CEP104: variants seen among roughly 807,000 people sequenced by gnomAD.
CEP104 encodes centrosomal protein of 104 kDa.
Under a neutral mutation model 113.3 loss-of-function variants are expected in CEP104, and 84 were observed. That is an observed-to-expected ratio of 0.74 (90% CI 0.62 to 0.89). CEP104 has a LOEUF of 0.89. Among genes scored for constraint, CEP104 ranks in the 40% least tolerant of loss-of-function variants. The pLI, the probability that CEP104 is intolerant of heterozygous loss-of-function variation, is 0.00. For synonymous variants in CEP104, 378 were observed against 421.7 expected, an observed-to-expected ratio of 0.90 and a Z score of 1.27; for missense variants, 1,053 against 1,156.6, an observed-to-expected ratio of 0.91 and a Z score of 1.30.
Position 3,823,628 on chromosome 1 carries a change from C to G in CEP104, c.2365-66G>C. The G allele has an allele frequency of 6.2e-7, 1 of 1,605,420 alleles. No individual in the cohort carries two copies. Among genetic ancestry groups the G allele is most frequent in the African/African-American group, 1.3e-5 (1 of 74,954 alleles). ...GCGGCAGCGCCCTCCAGCCAGCCTG[C>G]AGAGCCTGTGAGCGCCTCCCCTGCC... On this transcript the variant is annotated intron_variant, in intron 18 of 21. Coordinates refer to ENST00000378230, the MANE Select transcript of CEP104 (RefSeq NM_014704.4). The surrounding 1 kb of genome is among the most constrained non-coding windows in gnomAD (Gnocchi z 4.1).
At position 3,847,559 on chromosome 1, in the gene CEP104, T is replaced by G. The variant is rs779086283; in HGVS notation, c.342A>C (p.Lys114Asn). The change falls in exon 4 of 22, where the codon AAA becomes AAC. Residue 114 changes from lysine (K) to asparagine (N), a missense_variant. Coordinates refer to ENST00000378230, the MANE Select transcript of CEP104 (RefSeq NM_014704.4). ...GTCCTACTGCATCCACATAAACTGA[T>G]TTTAGTTCCCGGGCTTTGCAACCTG... ...EKTGCKAREL[K>N]SVYVDAVGQF... 3.3e-5 allele frequency: 54 copies of G among 1,613,708 alleles called. No individual in the cohort carries two copies. Among genetic ancestry groups the G allele is most frequent in the Non-Finnish European group, 4.2e-5 (50 of 1,179,882 alleles).
At chr1:3,841,802 G>A (rs1644417644) in intron 6 of CEP104, among the ~76,000 whole-genome samples, 1 of 152,238 alleles carries the variant, frequency 6.6e-6, no homozygotes, top group East Asian at 1.9e-4. Context: ...CAGATTTAAA[G>A]TCTAAATCAA....
rs201989711 is a variant in CEP104, at chr1:3,835,131, C to A, written c.1318-39G>T. 4.4e-6 allele frequency: 7 copies of A among 1,586,996 alleles called. No homozygotes were observed. The East Asian group carries it at 1.1e-4, about 26-fold the overall frequency. On this transcript the variant is annotated intron_variant, in intron 10 of 21. Coordinates refer to ENST00000378230, the MANE Select transcript of CEP104 (RefSeq NM_014704.4). ...GGCAGCATTTCATGGCATCACACAA[C>A]CATCCTCCAACACTACACAACTTGA...
chr1:3,829,404 A>C (rs755857555), intron 14 of CEP104, 31 bp from the exon 15 acceptor site: 2 of 1,539,486 alleles, frequency 1.3e-6, no homozygotes, highest in Non-Finnish European at 1.8e-6. Context: ...CCATTAGAAC[A>C]GCTTGTTAGG....
At chr1:3,830,839 A>G (rs1422828755) in intron 13 of CEP104, among the ~76,000 whole-genome samples, 1 of 152,094 alleles carries the variant, frequency 6.6e-6, no homozygotes, top group Non-Finnish European at 1.5e-5. Flanking sequence ...CCACAGATAA[A>G]GATCTGCACA....
At position 3,825,824 on chromosome 1, in the gene CEP104, C is replaced by T. The variant is rs772163783; in HGVS notation, c.2298G>A (p.Glu766=). The T allele has an allele frequency of 1.2e-5, 19 of 1,613,898 alleles. No homozygotes were observed. The highest frequency in any genetic ancestry group is 8.9e-5 in the East Asian group (4 of 44,890). The change falls in exon 18 of 22, where the codon GAG becomes GAA. Residue 766 remains glutamate, a synonymous_variant. Coordinates refer to ENST00000378230, the MANE Select transcript of CEP104 (RefSeq NM_014704.4). The part of the protein sequence containing the change: ...FCGERSESFT[E]EGLDLHYWKH... ...TCCAGTAGTGGAGATCCAGACCTTC[C>T]TCTGTGAAGGATTCACTCCTTTCCC...
At chr1:3,848,939 T>C (rs887184866) in intron 2 of CEP104, among the ~76,000 whole-genome samples, 158 bp from the exon 3 acceptor site, 2 of 152,194 alleles carry the variant, frequency 1.3e-5, no homozygotes, top group Non-Finnish European at 2.9e-5. Context: ...TGCGACATGA[T>C]TCCTGTTCTC....
chr1:3,823,519 C>T lies in CEP104; in HGVS notation c.2408G>A (p.Cys803Tyr), dbSNP rs1249918522. Reference protein sequence around the residue: ...SSLTEHLLTECDKKDGFGKCY... With the variant: ...SSLTEHLLTEYDKKDGFGKCY... ...CTTTCCAAACCCGTCTTTTTTGTCA[C>T]ATTCCGTCAGCAAGTGCTCCGTCAG... Residue 803 changes from cysteine to tyrosine, a missense_variant, in exon 19 of 22, where the codon TGT becomes TAT. Transcript: ENST00000378230. This position sits in a 1 kb window ranked among gnomAD's most constrained non-coding sequence, Gnocchi z 4.1. 1 of 1,614,112 alleles carries T rather than the reference C, an allele frequency of 6.2e-7. No individual in the cohort carries two copies. Among genetic ancestry groups the T allele is most frequent in the African/African-American group, 1.3e-5 (1 of 74,928 alleles).
chr1:3,851,584 G>A (rs1458214289), intron 2 of CEP104, among the ~76,000 whole-genome samples: 2 of 152,138 alleles, frequency 1.3e-5, no homozygotes, highest in African/African-American at 2.4e-5. Context: ...GGGCTCAGCT[G>A]TAAAGACCAA....
At chr1:3,828,938 T>A (rs1483420003) in intron 15 of CEP104, among the ~76,000 whole-genome samples, 2 of 152,192 alleles carry the variant, frequency 1.3e-5, no homozygotes, top group African/African-American at 4.8e-5. Context: ...GTCAAGCTGA[T>A]TTTTCTCCTT....
Position 3,815,390 on chromosome 1 carries a change from C to A in CEP104, c.*12G>T, listed in dbSNP as rs916658169. 7 of 1,589,254 alleles carry A rather than the reference C, an allele frequency of 4.4e-6. No individual in the cohort carries two copies. Among genetic ancestry groups the A allele is most frequent in the East Asian group, 2.2e-5 (1 of 44,550 alleles). ...CCATCCCTCACAGAGACCAAGGAGC[C>A]CGAGCGCCGCGTCAGCGCTTGGCGT... On this transcript the variant is annotated 3_prime_UTR_variant, in exon 22 of 22. Coordinates refer to ENST00000378230, the MANE Select transcript of CEP104 (RefSeq NM_014704.4).
At chr1:3,851,314 A>G (rs1378387301) in intron 2 of CEP104, among the ~76,000 whole-genome samples, 3 of 152,188 alleles carry the variant, frequency 2.0e-5, no homozygotes, top group Admixed American at 6.5e-5. Context: ...TCCAAAAGGA[A>G]AATACATTTT....
In CEP104 at chr1:3,823,400, G is replaced by T; in HGVS notation, c.2503+24C>A. 6.2e-7 allele frequency: 1 copy of T among 1,614,148 alleles called. No individual in the cohort carries two copies. The highest frequency in any genetic ancestry group is 1.3e-5 in the African/African-American group (1 of 75,028). On this transcript the variant is annotated intron_variant, in intron 19 of 21. Coordinates refer to ENST00000378230, the MANE Select transcript of CEP104 (RefSeq NM_014704.4). This position sits in a 1 kb window ranked among gnomAD's most constrained non-coding sequence, Gnocchi z 4.1. ...AGGACCCCTGGTGACCCGAGGGCAC[G>T]GGAGCCTGGGAAGGGGCACTCACGG... is the stretch of plus-strand genomic sequence containing the variant.
Position 3,839,814 on chromosome 1 carries a change from C to T in CEP104, c.567-38G>A, listed in dbSNP as rs55772418. 7.0e-3 allele frequency: 10,980 copies of T among 1,564,562 alleles called. 66 individuals are homozygous for T. Among genetic ancestry groups the T allele is most frequent in the Middle Eastern group, 0.014 (81 of 5,918 alleles). On this transcript the variant is annotated intron_variant, in intron 6 of 21. Transcript: ENST00000378230. ...AATGCATATTTTAGAGATAATTTCACGCCCTAGGAGTTCAGTGCTGAAGAT... is the reference window on the plus strand; with the variant it reads ...AATGCATATTTTAGAGATAATTTCATGCCCTAGGAGTTCAGTGCTGAAGAT...
At chr1:3,831,795 T>TA in intron 12 of CEP104, among the ~76,000 whole-genome samples, 1 of 152,254 alleles carries the variant, frequency 6.6e-6, no homozygotes, top group East Asian at 1.9e-4. Context: ...ATCATTAAGT[T>TA]ACAATCAGAA....
At chr1:3,837,212 G>A in intron 9 of CEP104, 80 bp downstream of exon 9, 1 of 1,213,924 alleles carries the variant, frequency 8.2e-7, no homozygotes, top group Non-Finnish European at 1.2e-6. Context: ...CCCCATGCAT[G>A]GGAACAGCAC....
chr1:3,851,968 G>C (rs1045355395), intron 2 of CEP104, among the ~76,000 whole-genome samples: 3 of 152,170 alleles, frequency 2.0e-5, no homozygotes, highest in Admixed American at 6.5e-5. Flanking sequence ...CACAATCTCT[G>C]CACAGAAACT....
intron 20 of CEP104, among the ~76,000 whole-genome samples, chr1:3,821,595 TCAGCAGCTGC>T (rs1643973467): frequency 6.6e-6 from 1 of 152,074 alleles, no homozygotes; most frequent in African/African-American, 2.4e-5. Context: ...GCCTTGAGCC[TCAGCAGCTGC>T]CACCGTCACA....
At chr1:3,835,923 A>T (rs1644299990) in intron 10 of CEP104, among the ~76,000 whole-genome samples, 1 of 151,996 alleles carries the variant, frequency 6.6e-6, no homozygotes, top group Non-Finnish European at 1.5e-5. Context: ...TTGGGAGGCC[A>T]AGGCCAGGAG....
Sources: allele counts gnomAD v4.1 joint callset (sites outside exome capture counted in the v4.1 genomes callset), GRCh38; gene constraint gnomAD v4.1.1; non-coding constraint Gnocchi (gnomAD v3.1); transcripts MANE v1.5; gene names NCBI Gene and HGNC (gene_info 2026-07-23, HGNC 2026-07-21).